PTPRA: variants seen among roughly 807,000 people sequenced by gnomAD.
PTPRA encodes the protein receptor-type tyrosine-protein phosphatase alpha.
PTPRA carries 25 observed loss-of-function variants against 104.8 expected under a neutral mutation model. The ratio of observed to expected loss-of-function variants is 0.24; its 90% CI spans 0.17 to 0.33. The LOEUF is 0.33. Among genes scored for constraint, PTPRA ranks in the 10% least tolerant of loss-of-function variants. The pLI, the probability that PTPRA is intolerant of heterozygous loss-of-function variation, is 1.00. For missense variants in PTPRA, 765 were observed against 1,015.3 expected (o/e 0.75, Z 3.35); for synonymous variants, 323 against 368.9 (o/e 0.88, Z 1.43).
In PTPRA at chr20:3,035,690, C is replaced by T. The variant is rs775376869; in HGVS notation, c.2026C>T (p.Leu676Phe). Residue 676 changes from leucine (L) to phenylalanine (F), a missense_variant, in exon 21 of 24, where the codon CTC becomes TTC. By Grantham distance (22) the Leu-to-Phe change is conservative. Around this residue, in one of 4 missense-constraint regions of PTPRA, gnomAD observed 192 missense variants for 227.0 expected, o/e 0.85. Transcript: ENST00000399903. This position sits in a 1 kb window ranked among gnomAD's most constrained non-coding sequence, Gnocchi z 5.8. ...EECESYTVRD[L>F]LVTNTRENKS... ...ATGTGAGAGCTACACCGTCCGAGAC[C>T]TCCTGGTCACCAACACCAGGGTAAG... The T allele has an allele frequency of 4.3e-6, 7 of 1,614,104 alleles. No individual in the cohort carries two copies. Among genetic ancestry groups the T allele is most frequent in the Middle Eastern group, 1.6e-4 (1 of 6,084 alleles).
Position 3,022,590 on chromosome 20 carries a change from T to G in PTPRA, c.1329-99T>G. The G allele has an allele frequency of 6.6e-7, 1 of 1,526,604 alleles. No homozygotes were observed. Among genetic ancestry groups the G allele is most frequent in the Non-Finnish European group, 8.9e-7 (1 of 1,120,680 alleles). The allele number at this position is 1,526,604 out of a possible 1,614,324, so 94.6% of individuals were successfully genotyped here. The stretch of plus-strand genomic sequence containing the variant: ...CTCTACCCCATTCAGAATTAGGATT[T>G]AGACCCTGAAGGAAGAGCCCCTGCC... On this transcript the variant is annotated intron_variant, in intron 15 of 23. Coordinates refer to ENST00000399903, the MANE Select transcript of PTPRA (RefSeq NM_001385305.1). This position sits in a 1 kb window ranked among gnomAD's most constrained non-coding sequence, Gnocchi z 4.6.
intron 2 of PTPRA, among the ~76,000 whole-genome samples, chr20:2,936,541 A>C (rs1368613174): frequency 1.3e-5 from 2 of 152,008 alleles, no homozygotes; most frequent in African/African-American, 4.8e-5. Context: ...GGCTCACTGC[A>C]GCCTCAACCT....
At chr20:2,915,960 C>T (rs564427936) in intron 1 of PTPRA, among the ~76,000 whole-genome samples, 4 of 152,134 alleles carry the variant, frequency 2.6e-5, no homozygotes, top group Middle Eastern at 3.4e-3. Context: ...GGCCACAGAG[C>T]GAAACTATGT....
chr20:2,883,314 ATTAT>A (rs953446284), intron 1 of PTPRA, among the ~76,000 whole-genome samples: 1 of 151,780 alleles, frequency 6.6e-6, no homozygotes, highest in African/African-American at 2.4e-5. Flanking sequence ...AAGTAAAAGT[ATTAT>A]TTAAATAGTG....
At chr20:2,894,536 G>A (rs530754598) in intron 1 of PTPRA, among the ~76,000 whole-genome samples, 62 of 151,880 alleles carry the variant, frequency 4.1e-4, no homozygotes, top group Non-Finnish European at 4.6e-4. Flanking sequence ...TTGAACTCCC[G>A]GGCTCAAGTG....
intron 3 of PTPRA, among the ~76,000 whole-genome samples, chr20:2,949,249 TG>T (rs1421271760): frequency 6.6e-6 from 1 of 151,956 alleles, no homozygotes; most frequent in Non-Finnish European, 1.5e-5. Flanking sequence ...CTAATCACCT[TG>T]ACAAAGTTAC....
chr20:2,899,700 C>G (rs2059154164), intron 1 of PTPRA, among the ~76,000 whole-genome samples: 1 of 152,124 alleles, frequency 6.6e-6, no homozygotes, highest in Non-Finnish European at 1.5e-5. Context: ...TCTATACATA[C>G]ATATATACAT....
Position 2,903,461 on chromosome 20 carries a change from G to A in PTPRA, c.-128-19746G>A, listed in dbSNP as rs546737244. ...TAGTGCTTTGGGAGGCTAAGGTGGG[G>A]GATTGCTTAAGGCTAGGAGTTCAAG... On this transcript the variant is annotated intron_variant, in intron 1 of 23. Transcript: ENST00000399903. Among the ~76,000 whole-genome samples, 99 of 152,198 alleles carry A rather than the reference G, an allele frequency of 6.5e-4. 3 individuals carry two copies. In the South Asian group the frequency reaches 0.02, roughly 31 times the overall value.
At chr20:2,904,847 C>T (rs373825297) in intron 1 of PTPRA, among the ~76,000 whole-genome samples, 19 of 152,018 alleles carry the variant, frequency 1.2e-4, no homozygotes, top group South Asian at 4.2e-4. Context: ...AGAAAATGAT[C>T]GATTACTAAG....
intron 1 of PTPRA, among the ~76,000 whole-genome samples, chr20:2,875,238 C>T (rs1405886248): frequency 1.3e-5 from 2 of 152,152 alleles, no homozygotes; most frequent in Non-Finnish European, 2.9e-5. Context: ...TCCCCATGTC[C>T]ATCCCACCCA....
intron 2 of PTPRA, among the ~76,000 whole-genome samples, chr20:2,925,181 C>CT (rs2060249432): frequency 6.6e-6 from 1 of 152,186 alleles, no homozygotes; most frequent in Non-Finnish European, 1.5e-5. Flanking sequence ...CCATTAAACA[C>CT]TAACTCCCCA....
At chr20:2,992,106 C>T (rs749977050) in intron 9 of PTPRA, among the ~76,000 whole-genome samples, 4 of 152,212 alleles carry the variant, frequency 2.6e-5, no homozygotes, top group Non-Finnish European at 5.9e-5. Context: ...AATAGGAAGT[C>T]AGAAGTATCT....
chr20:2,864,427 C>T, the PTPRA span: 22 of 1,614,144 alleles, frequency 1.4e-5, no homozygotes, highest in South Asian at 7.7e-5. The surrounding 1 kb of genome is among the most constrained non-coding windows in gnomAD (Gnocchi z 5.2). Flanking sequence ...CATGACCCTT[C>T]GGAATCAGCC....
At chr20:2,948,914 T>C (rs925355869) in intron 3 of PTPRA, among the ~76,000 whole-genome samples, 1 of 151,708 alleles carries the variant, frequency 6.6e-6, no homozygotes, top group South Asian at 2.1e-4. Context: ...ATTGCACCAC[T>C]GCACTCCAGC....
chr20:2,976,333 A>G (rs928513172), intron 6 of PTPRA, among the ~76,000 whole-genome samples: 1 of 152,234 alleles, frequency 6.6e-6, no homozygotes, highest in Non-Finnish European at 1.5e-5. Context: ...CCAGCCTTAC[A>G]ATAAAGTCAA....
intron 9 of PTPRA, among the ~76,000 whole-genome samples, chr20:2,997,286 G>A (rs534687892): frequency 2.6e-5 from 4 of 152,042 alleles, no homozygotes; most frequent in South Asian, 4.2e-4. Context: ...AGACATAATA[G>A]GGAACTTTGT....
chr20:3,031,802 G>A (rs2065468937), intron 20 of PTPRA, among the ~76,000 whole-genome samples: 4 of 151,950 alleles, frequency 2.6e-5, no homozygotes, highest in Admixed American at 1.3e-4. Context: ...GTTTTTGAGC[G>A]TTTGAGTTTT....
intron 1 of PTPRA, among the ~76,000 whole-genome samples, chr20:2,901,278 C>T (rs1161235): frequency 0.64 from 97,247 of 150,980 alleles, 33,006 homozygotes; most frequent in East Asian, 0.86. Flanking sequence ...CTTTTTTTTT[C>T]CCTTGAGGAG....
At chr20:2,865,509 C>T in the PTPRA span, 1 of 1,610,326 alleles carries the variant, frequency 6.2e-7, no homozygotes, top group Non-Finnish European at 8.5e-7. The surrounding 1 kb of genome is among the most constrained non-coding windows in gnomAD (Gnocchi z 5.2). Context: ...AGGCAGGGTC[C>T]TCCCTCCAGC....
Sources: gnomAD v4.1 joint callset for allele counts (sites outside exome capture counted in the v4.1 genomes callset) on GRCh38, gnomAD v4.1.1 for gene constraint, gnomAD v4.1.1 regional missense constraint, Gnocchi (gnomAD v3.1) non-coding constraint, MANE v1.5 for transcripts, NCBI Gene and HGNC (gene_info 2026-07-23, HGNC 2026-07-21) for gene names.